The following C12orf75 variants were observed in gnomAD, a reference collection of about 807,000 sequenced individuals.
The protein encoded by C12orf75 is chromosome 12 open reading frame 75.
In C12orf75, 4 loss-of-function variants were observed where a neutral mutation model predicts 11.4. That is an observed-to-expected ratio of 0.35 (90% CI 0.17 to 0.80). The LOEUF (loss-of-function observed/expected upper bound fraction) is 0.80, where lower values mean the gene tolerates loss of function less well. Ranked by LOEUF, C12orf75 falls within the 30% of genes least tolerant of loss-of-function variation. The pLI is 0.52. For synonymous variants in C12orf75, 30 were observed against 30.0 expected, an observed-to-expected ratio of 1.00 and a Z score of 0.00; for missense variants, 89 against 80.4, an observed-to-expected ratio of 1.11 and a Z score of -0.41.
rs1160152581 is a variant in C12orf75, at chr12:105,330,722, G to C, written c.-170G>C. On this transcript the variant is annotated 5_prime_UTR_variant, in exon 1 of 6. Coordinates refer to ENST00000443585, the MANE Select transcript of C12orf75 (RefSeq NM_001145199.2). Reference sequence around the variant, plus strand: ...CGCCCGGCAGCCCGCAGCCCGCTGCGCCCCGGGCCGCGTCTCCCGGCGGTG... The same window carrying C: ...CGCCCGGCAGCCCGCAGCCCGCTGCCCCCCGGGCCGCGTCTCCCGGCGGTG... 2 of 545,878 alleles carry C rather than the reference G, an allele frequency of 3.7e-6. No homozygotes were observed. Among genetic ancestry groups the C allele is most frequent in the Non-Finnish European group, 5.1e-6 (2 of 388,824 alleles). The allele number at this position is 545,878 out of a possible 1,614,324, so 33.8% of individuals were successfully genotyped here.
intron 1 of C12orf75, among the ~76,000 whole-genome samples, chr12:105,339,403 T>C (rs547402558): frequency 6.6e-6 from 1 of 151,824 alleles, no homozygotes; most frequent in Admixed American, 6.6e-5. Context: ...TTTTTTTTTT[T>C]TTTTTACAAA....
chr12:105,333,472 A>G (rs948192170), intron 1 of C12orf75, among the ~76,000 whole-genome samples: 6 of 152,180 alleles, frequency 3.9e-5, no homozygotes, highest in African/African-American at 1.2e-4. Flanking sequence ...ACAGTGCACT[A>G]CTTCCAATAT....
chr12:105,346,364 T>C (rs1200046473), intron 1 of C12orf75, among the ~76,000 whole-genome samples: 2 of 152,206 alleles, frequency 1.3e-5, no homozygotes, highest in African/African-American at 4.8e-5. Context: ...TTGAGACCTA[T>C]CTCAATACTT....
intron 1 of C12orf75, among the ~76,000 whole-genome samples, chr12:105,346,489 C>G (rs1037203425): frequency 6.6e-6 from 1 of 152,148 alleles, no homozygotes; most frequent in African/African-American, 2.4e-5. Flanking sequence ...ATCAAAAACA[C>G]TCTACTGTTG....
chr12:105,339,709 C>T (rs961240198), intron 1 of C12orf75, among the ~76,000 whole-genome samples: 2 of 152,012 alleles, frequency 1.3e-5, no homozygotes, highest in African/African-American at 2.4e-5. Context: ...CTCCGCCTGC[C>T]GGGTTCATGC....
intron 1 of C12orf75, among the ~76,000 whole-genome samples, chr12:105,347,181 A>G (rs980639066): frequency 4.6e-5 from 7 of 152,268 alleles, no homozygotes; most frequent in Admixed American, 2.0e-4. Flanking sequence ...ATCTGCGAGA[A>G]GTAATGGGGA....
intron 2 of C12orf75, among the ~76,000 whole-genome samples, chr12:105,350,680 C>T (rs1668587258): frequency 6.6e-6 from 1 of 152,024 alleles, no homozygotes; most frequent in African/African-American, 2.4e-5. Context: ...TCTTTTTTCC[C>T]TTGAGGATTG....
At chr12:105,357,386 C>T (rs977369528) in intron 2 of C12orf75, among the ~76,000 whole-genome samples, 1 of 152,040 alleles carries the variant, frequency 6.6e-6, no homozygotes, top group Non-Finnish European at 1.5e-5. Context: ...CTTTCTTTTT[C>T]TTGCATGCCG....
chr12:105,341,971 T>C (rs138389267), intron 1 of C12orf75, among the ~76,000 whole-genome samples: 29 of 152,344 alleles, frequency 1.9e-4, no homozygotes, highest in African/African-American at 6.3e-4. Context: ...TGCTCCTCCT[T>C]TGTGTTCCAC....
In C12orf75 at chr12:105,330,955, C is replaced by T; in HGVS notation, c.46+18C>T. On this transcript the variant is annotated intron_variant, in intron 1 of 5. Coordinates refer to ENST00000443585, the MANE Select transcript of C12orf75 (RefSeq NM_001145199.2). Reference sequence around the variant, plus strand: ...GGGCCAAGGTGAGTCCGGCGGGAGGCGGGGGCCGGCGGGGGCGGGCGGGAG... The same window carrying T: ...GGGCCAAGGTGAGTCCGGCGGGAGGTGGGGGCCGGCGGGGGCGGGCGGGAG... 1 of 1,000,496 alleles carries T rather than the reference C, an allele frequency of 1.0e-6. No individual in the cohort carries two copies. Among genetic ancestry groups the T allele is most frequent in the Non-Finnish European group, 1.3e-6 (1 of 777,982 alleles). 62.0% of individuals were successfully genotyped at this position (1,000,496 alleles called of 1,614,324 possible). A position where few individuals can be genotyped will look rare whatever the true frequency, so the allele number is the denominator to read the frequency against.
chr12:105,331,599 CA>C (rs1892425787), intron 1 of C12orf75, among the ~76,000 whole-genome samples: 1 of 149,834 alleles, frequency 6.7e-6, no homozygotes, highest in Non-Finnish European at 1.5e-5. Context: ...TAAACACACA[CA>C]CACACACACA....
chr12:105,352,627 T>C (rs4964361), intron 2 of C12orf75, among the ~76,000 whole-genome samples: 117,511 of 151,996 alleles, frequency 0.77, 46,094 homozygotes, highest in East Asian at 0.91. Context: ...TTTTTAAAAA[T>C]TATTTTTTGG....
intron 5 of C12orf75, among the ~76,000 whole-genome samples, chr12:105,368,428 G>A (rs981540600): frequency 2.6e-5 from 4 of 152,150 alleles, no homozygotes; most frequent in Admixed American, 6.5e-5. Flanking sequence ...AGCTGGGCAC[G>A]TTCCTTCCCC....
intron 2 of C12orf75, among the ~76,000 whole-genome samples, chr12:105,363,502 G>A (rs1482235019): frequency 6.6e-6 from 1 of 152,114 alleles, no homozygotes; most frequent in Non-Finnish European, 1.5e-5. Context: ...CGAGGTGGGA[G>A]GATCACGAGG....
At chr12:105,357,819 A>AGAGAGAGAGAG (rs1892806522) in intron 2 of C12orf75, among the ~76,000 whole-genome samples, 1 of 90,088 alleles carries the variant, frequency 1.1e-5, no homozygotes, top group South Asian at 3.3e-4. Flanking sequence ...AGAGAGAGAG[A>AGAGAGAGAGAG]GAGAGAGAGA....
In C12orf75 at chr12:105,366,663, A is replaced by G; in HGVS notation, c.154A>G (p.Met52Val). The G allele has an allele frequency of 1.3e-6, 2 of 1,543,654 alleles. No individual in the cohort carries two copies. The highest frequency in any genetic ancestry group is 1.8e-6 in the Non-Finnish European group (2 of 1,140,024). Reference protein sequence around the residue: ...YVGLPSEAVNMVSSQTKTVRK... With the variant: ...YVGLPSEAVNVVSSQTKTVRK... The stretch of plus-strand genomic sequence containing the variant: ...TGGCCTACCATCTGAAGCTGTCAAT[A>G]TGGTGTCCAGTCAAACAAAGACGGT... The change falls in exon 4 of 6, where the codon ATG becomes GTG. Residue 52 changes from methionine (M) to valine (V), a missense_variant. Transcript: ENST00000443585.
chr12:105,369,706 G>A (rs879570401), intron 5 of C12orf75, among the ~76,000 whole-genome samples: 1 of 152,068 alleles, frequency 6.6e-6, no homozygotes, highest in African/African-American at 2.4e-5. Flanking sequence ...GAGAACATGC[G>A]ATGTTTAGCT....
intron 1 of C12orf75, among the ~76,000 whole-genome samples, chr12:105,341,221 G>A (rs993791839): frequency 1.2e-4 from 19 of 152,120 alleles, no homozygotes; most frequent in Non-Finnish European, 2.1e-4. Flanking sequence ...GATTCATAAA[G>A]CCCTTCAAGA....
Position 105,365,850 on chromosome 12 carries a change from T to C in C12orf75, c.107+8T>C. The C allele has an allele frequency of 9.1e-6, 14 of 1,542,342 alleles. No homozygotes were observed. Among genetic ancestry groups the C allele is most frequent in the Non-Finnish European group, 1.2e-5 (14 of 1,138,486 alleles). On this transcript the variant is annotated splice_region_variant and intron_variant, in intron 3 of 5. Coordinates refer to ENST00000443585, the MANE Select transcript of C12orf75 (RefSeq NM_001145199.2). The stretch of plus-strand genomic sequence containing the variant: ...AGAAGATGACAAGAGGAGGTATGTT[T>C]GGTATTGCAGCTGGCTTTAGTTTGA...
Sources: gnomAD v4.1 joint callset for allele counts (sites outside exome capture counted in the v4.1 genomes callset) on GRCh38, gnomAD v4.1.1 for gene constraint, MANE v1.5 for transcripts, NCBI Gene and HGNC (gene_info 2026-07-23, HGNC 2026-07-21) for gene names.